Variants in VPS13D observed in about 807,000 individuals in gnomAD.
VPS13D encodes the protein vacuolar protein sorting 13 homolog D, also known as intermembrane lipid transfer protein VPS13D.
Under a neutral mutation model 461.9 loss-of-function variants are expected in VPS13D, and 187 were observed. The ratio of observed to expected loss-of-function variants is 0.40; its 90% CI spans 0.36 to 0.46. VPS13D has a LOEUF of 0.46. Among genes scored for constraint, VPS13D ranks in the 20% least tolerant of loss-of-function variants. VPS13D has a pLI of 0.60. For missense variants in VPS13D, 4,711 were observed against 5,364.9 expected, an observed-to-expected ratio of 0.88 and a Z score of 3.81; for synonymous variants, 1,951 against 1,986.3, an observed-to-expected ratio of 0.98 and a Z score of 0.47.
At chr1:12,441,942 C>A (rs1454379634) in intron 65 of VPS13D, among the ~76,000 whole-genome samples, 1 of 152,054 alleles carries the variant, frequency 6.6e-6, no homozygotes, top group Non-Finnish European at 1.5e-5. Flanking sequence ...ACTTTATCTC[C>A]ATTTGCCTTT....
chr1:12,406,206 A>G (rs963797986), intron 63 of VPS13D, among the ~76,000 whole-genome samples: 3 of 152,152 alleles, frequency 2.0e-5, no homozygotes, highest in African/African-American at 7.2e-5. Flanking sequence ...AGCTTGTGGG[A>G]GTCACATTTT....
chr1:12,298,641 CAA>C (rs55991526), intron 24 of VPS13D, among the ~76,000 whole-genome samples: 22 of 124,310 alleles, frequency 1.8e-4, no homozygotes, highest in African/African-American at 1.2e-4. Context: ...GACTCTGTCT[CAA>C]AAAAAAAAAA....
chr1:12,374,296 G>A (rs1166373400), intron 55 of VPS13D, among the ~76,000 whole-genome samples: 3 of 152,228 alleles, frequency 2.0e-5, no homozygotes, highest in Non-Finnish European at 4.4e-5. Context: ...AGGTTAAAGT[G>A]TATGAACTGG....
intron 56 of VPS13D, 69 bp downstream of exon 56, chr1:12,378,660 C>CA (rs1413489440): frequency 1.4e-6 from 2 of 1,398,826 alleles, no homozygotes; most frequent in Non-Finnish European, 1.9e-6. Context: ...AAATCTACAA[C>CA]AAAAACTAAG....
chr1:12,485,816 G>A (rs189387978), intron 67 of VPS13D, among the ~76,000 whole-genome samples: 2 of 152,240 alleles, frequency 1.3e-5, no homozygotes, highest in Non-Finnish European at 2.9e-5. Flanking sequence ...TTAATTAAAA[G>A]GCAGCTTGAC....
At chr1:12,290,902 C>A in intron 22 of VPS13D, 96 bp from the exon 23 acceptor site, 1 of 1,213,136 alleles carries the variant, frequency 8.2e-7, no homozygotes, top group Non-Finnish European at 1.1e-6. Context: ...AGTGAAAAGT[C>A]TGAGGCATGT....
intron 65 of VPS13D, among the ~76,000 whole-genome samples, chr1:12,453,537 G>A (rs1191339397): frequency 2.6e-5 from 4 of 152,252 alleles, no homozygotes; most frequent in Non-Finnish European, 5.9e-5. Flanking sequence ...AGCGTCTGGG[G>A]CACCAGAGAG....
At chr1:12,291,718 G>T (rs111835883) in intron 23 of VPS13D, among the ~76,000 whole-genome samples, 5 of 152,306 alleles carry the variant, frequency 3.3e-5, no homozygotes, top group African/African-American at 1.2e-4. Flanking sequence ...CACGAACTTG[G>T]TGTATGTCCT....
In VPS13D at chr1:12,257,064, A is replaced by G. The variant is rs117559901; in HGVS notation, c.918A>G (p.Lys306=). The G allele has an allele frequency of 8.0e-4, 1,284 of 1,614,176 alleles. 14 individuals carry two copies. The South Asian group carries it at 0.013, about 16-fold the overall frequency. Residue 306 remains lysine (K), a synonymous_variant, in exon 9 of 70, where the codon AAA becomes AAG. Coordinates refer to ENST00000620676, the MANE Select transcript of VPS13D (RefSeq NM_015378.4). ...KERQVKFRRW[K]PKVAISKNCR... ...GGCAGGTGAAGTTCCGAAGGTGGAAACCCAAGGTGGCGATATCTAAGAAGT... is the reference window on the plus strand; with the variant it reads ...GGCAGGTGAAGTTCCGAAGGTGGAAGCCCAAGGTGGCGATATCTAAGAAGT...
intron 69 of VPS13D, among the ~76,000 whole-genome samples, chr1:12,508,542 TA>T (rs540771447): frequency 0.089 from 10,339 of 116,218 alleles, 986 homozygotes; most frequent in African/African-American, 0.25. Context: ...CATCTCTACT[TA>T]AAAAAAAAAA....
Position 12,279,746 on chromosome 1 carries a change from A to G in VPS13D, c.4602+96A>G, listed in dbSNP as rs1641721480. On this transcript the variant is annotated intron_variant, in intron 20 of 69. Coordinates refer to ENST00000620676, the MANE Select transcript of VPS13D (RefSeq NM_015378.4). This position sits in a 1 kb window ranked among gnomAD's most constrained non-coding sequence, Gnocchi z 4.3. The stretch of plus-strand genomic sequence containing the variant: ...GTATATTACATGTTGGAAGGAATAT[A>G]TATTTTCAAAGATATATCACCCATG... The G allele has an allele frequency of 8.8e-7, 1 of 1,132,646 alleles. No homozygotes were observed. The highest frequency in any genetic ancestry group is 1.2e-6 in the Non-Finnish European group (1 of 850,630). The allele number at this position is 1,132,646 out of a possible 1,614,324, so 70.2% of individuals were successfully genotyped here.
In VPS13D at chr1:12,496,170, G is replaced by T. The variant is rs142134630; in HGVS notation, c.12663-1330G>T. On this transcript the variant is annotated intron_variant, in intron 67 of 69. Transcript: ENST00000620676. Reference sequence around the variant, plus strand: ...TCATTGAAACTTCTATAAAGTCTCTGTAATACCCTTAGAGAGTACAATTAA... The same window carrying T: ...TCATTGAAACTTCTATAAAGTCTCTTTAATACCCTTAGAGAGTACAATTAA... 2.2e-3 allele frequency among the ~76,000 whole-genome samples: 330 copies of T among 152,292 alleles called. 2 individuals are homozygous for T. Among genetic ancestry groups the T allele is most frequent in the African/African-American group, 7.6e-3 (314 of 41,552 alleles).
At chr1:12,264,815 T>G (rs891083905) in intron 13 of VPS13D, among the ~76,000 whole-genome samples, 4 of 152,340 alleles carry the variant, frequency 2.6e-5, no homozygotes, top group Non-Finnish European at 5.9e-5. Flanking sequence ...AGATTTTCAT[T>G]GTAGATGAAA....
chr1:12,442,960 A>C (rs553389685), intron 65 of VPS13D, among the ~76,000 whole-genome samples: 1 of 152,340 alleles, frequency 6.6e-6, no homozygotes, highest in South Asian at 2.1e-4. Context: ...TACATTTTTT[A>C]AATTGTAGAA....
At chr1:12,261,312 C>T (rs1400632609) in intron 12 of VPS13D, among the ~76,000 whole-genome samples, 163 bp downstream of exon 12, 1 of 152,228 alleles carries the variant, frequency 6.6e-6, no homozygotes, top group East Asian at 1.9e-4. Context: ...CCATTTGTAA[C>T]TCTGTGACTA....
chr1:12,413,754 G>A (rs1014495072), intron 63 of VPS13D, among the ~76,000 whole-genome samples: 25 of 151,586 alleles, frequency 1.6e-4, no homozygotes, highest in Non-Finnish European at 3.5e-4. Flanking sequence ...TTACAGGCAT[G>A]AGCCACCACT....
At chr1:12,393,057 A>G (rs1644448999) in intron 60 of VPS13D, among the ~76,000 whole-genome samples, 1 of 152,256 alleles carries the variant, frequency 6.6e-6, no homozygotes, top group Non-Finnish European at 1.5e-5. Flanking sequence ...CCGTTAACTT[A>G]GAAGGAATGT....
chr1:12,368,244 G>A (rs963228411), intron 52 of VPS13D, among the ~76,000 whole-genome samples: 9 of 152,222 alleles, frequency 5.9e-5, no homozygotes, highest in Admixed American at 2.0e-4. Context: ...GAATATCAGC[G>A]TATAAATGTT....
At chr1:12,438,630 A>T (rs1198587612) in intron 65 of VPS13D, among the ~76,000 whole-genome samples, 1 of 152,196 alleles carries the variant, frequency 6.6e-6, no homozygotes, top group Admixed American at 6.5e-5. Context: ...CTTGCCGACC[A>T]CATGAAACCT....
Sources: allele counts gnomAD v4.1 joint callset (sites outside exome capture counted in the v4.1 genomes callset), GRCh38; gene constraint gnomAD v4.1.1; non-coding constraint Gnocchi (gnomAD v3.1); transcripts MANE v1.5; gene names NCBI Gene and HGNC (gene_info 2026-07-23, HGNC 2026-07-21).